RAPGEF6: variants seen among roughly 807,000 people sequenced by gnomAD.
The protein encoded by RAPGEF6 is PDZ domain containing guanine nucleotide exchange factor (GEF) 2.
RAPGEF6 carries 56 observed loss-of-function variants against 171.4 expected under a neutral mutation model. That is an observed-to-expected ratio of 0.33 (90% CI 0.26 to 0.41). The LOEUF (loss-of-function observed/expected upper bound fraction) is 0.41. Among genes scored for constraint, RAPGEF6 ranks in the 10% least tolerant of loss-of-function variants. The pLI, the probability that RAPGEF6 is intolerant of heterozygous loss-of-function variation, is 1.00. For synonymous variants in RAPGEF6, 692 were observed against 650.1 expected, an observed-to-expected ratio of 1.06 and a Z score of -0.98; for missense variants, 1,674 against 1,921.4, an observed-to-expected ratio of 0.87 and a Z score of 2.41.
At chr5:131,495,487 C>G (rs1756580465) in intron 13 of RAPGEF6, 66 bp downstream of exon 13, 1 of 1,202,216 alleles carries the variant, frequency 8.3e-7, no homozygotes, top group Admixed American at 1.9e-5. Context: ...TATTGCTGTT[C>G]TGAGTTTGCT....
At chr5:131,443,695 C>G (rs1440985698) in intron 22 of RAPGEF6, among the ~76,000 whole-genome samples, 1 of 152,178 alleles carries the variant, frequency 6.6e-6, no homozygotes, top group Non-Finnish European at 1.5e-5. Context: ...CTTACCTTTC[C>G]TCTCACCAGT....
chr5:131,576,589 C>G (rs1372217283), intron 4 of RAPGEF6, among the ~76,000 whole-genome samples: 1 of 152,172 alleles, frequency 6.6e-6, no homozygotes, highest in Non-Finnish European at 1.5e-5. Context: ...CACCAGATCC[C>G]ACTGCTTGAG....
intron 18 of RAPGEF6, among the ~76,000 whole-genome samples, chr5:131,463,338 GGAGGCTGAGGCAGGCAGATCACTT>G (rs1032429972): frequency 1.3e-5 from 2 of 152,118 alleles, no homozygotes; most frequent in Non-Finnish European, 2.9e-5. Context: ...CAGCACTTTG[GGAGGCTGAGGCAGGCAGATCACTT>G]GAGGTAAGGA....
At chr5:131,486,484 T>G (rs961362067) in intron 15 of RAPGEF6, among the ~76,000 whole-genome samples, 33 of 152,212 alleles carry the variant, frequency 2.2e-4, no homozygotes, top group Admixed American at 2.2e-3. Context: ...AGTCACATCC[T>G]TCTTTTACTC....
chr5:131,598,858 T>C (rs182946165), intron 3 of RAPGEF6, among the ~76,000 whole-genome samples: 1 of 152,344 alleles, frequency 6.6e-6, no homozygotes, highest in East Asian at 1.9e-4. Context: ...TCCCAAAGGC[T>C]TTCTTGTGTA....
At chr5:131,465,336 T>C (rs186767193) in intron 17 of RAPGEF6, among the ~76,000 whole-genome samples, 1 of 152,262 alleles carries the variant, frequency 6.6e-6, no homozygotes, top group Non-Finnish European at 1.5e-5. Context: ...TTATTTCTTT[T>C]TGTCATTATA....
chr5:131,531,119 G>A (rs1274022849), intron 6 of RAPGEF6, among the ~76,000 whole-genome samples: 2 of 152,146 alleles, frequency 1.3e-5, no homozygotes, highest in African/African-American at 4.8e-5. Context: ...CATGCAGTGA[G>A]CTAGGCCAGA....
intron 6 of RAPGEF6, among the ~76,000 whole-genome samples, chr5:131,526,425 G>T (rs569361142): frequency 2.0e-4 from 31 of 152,216 alleles, no homozygotes; most frequent in African/African-American, 4.6e-4. Flanking sequence ...GGTTTCCCAG[G>T]GTCACATGGC....
chr5:131,505,255 T>C (rs1757301936), intron 10 of RAPGEF6, 109 bp downstream of exon 10: 4 of 1,104,694 alleles, frequency 3.6e-6, no homozygotes, highest in Non-Finnish European at 5.3e-6. Context: ...CTGTGAGCTA[T>C]TGAAACTCCT....
intron 22 of RAPGEF6, among the ~76,000 whole-genome samples, chr5:131,443,749 G>C (rs1321095701): frequency 6.6e-6 from 1 of 152,104 alleles, no homozygotes; most frequent in Non-Finnish European, 1.5e-5. Context: ...CCTTTCATTA[G>C]GCTTTAACCT....
intron 1 of RAPGEF6, among the ~76,000 whole-genome samples, chr5:131,620,921 A>C (rs1446082609): frequency 1.3e-5 from 2 of 152,182 alleles, no homozygotes; most frequent in Non-Finnish European, 2.9e-5. Flanking sequence ...ATACTGCCAA[A>C]GCGATCTTTC....
intron 16 of RAPGEF6, 99 bp downstream of exon 16, chr5:131,479,414 T>C: frequency 1.5e-6 from 2 of 1,294,946 alleles, no homozygotes; most frequent in Non-Finnish European, 2.2e-6. Flanking sequence ...ACATTAGTTA[T>C]ATAACAAAGC....
intron 4 of RAPGEF6, among the ~76,000 whole-genome samples, chr5:131,566,115 C>G (rs1761914391): frequency 6.6e-6 from 1 of 151,392 alleles, no homozygotes; most frequent in African/African-American, 2.4e-5. Flanking sequence ...CCACTGCACT[C>G]CAGCCTGGGT....
At position 131,496,224 on chromosome 5, in the gene RAPGEF6, C is replaced by T. The variant is rs146327508; in HGVS notation, c.1420-564G>A. 3.2e-3 allele frequency among the ~76,000 whole-genome samples: 488 copies of T among 152,238 alleles called. 3 individuals carry two copies. Among genetic ancestry groups the T allele is most frequent in the African/African-American group, 0.011 (464 of 41,550 alleles). ...ACCCTTACAAATCTGAAACTTCTTT[C>T]ATTATAAACACTGTAAATTTTCAAA... On this transcript the variant is annotated intron_variant, in intron 12 of 27. Transcript: ENST00000509018.
chr5:131,439,460 A>G, intron 24 of RAPGEF6, 121 bp downstream of exon 24: 1 of 1,415,230 alleles, frequency 7.1e-7, no homozygotes, highest in East Asian at 2.5e-5. Flanking sequence ...AAGTTCAAAA[A>G]GCATTAGGAG....
At chr5:131,440,490 C>A (rs1046227749) in intron 23 of RAPGEF6, among the ~76,000 whole-genome samples, 2 of 152,002 alleles carry the variant, frequency 1.3e-5, no homozygotes, top group Non-Finnish European at 2.9e-5. Context: ...GTAATCCCAG[C>A]ACTTTGGGAG....
chr5:131,620,922 G>A (rs565829115), intron 1 of RAPGEF6, among the ~76,000 whole-genome samples: 30 of 152,112 alleles, frequency 2.0e-4, no homozygotes, highest in Non-Finnish European at 3.5e-4. Context: ...TACTGCCAAA[G>A]CGATCTTTCT....
intron 6 of RAPGEF6, among the ~76,000 whole-genome samples, chr5:131,539,870 G>A (rs1580993836): frequency 6.6e-6 from 1 of 152,162 alleles, no homozygotes; most frequent in Non-Finnish European, 1.5e-5. Flanking sequence ...TAATGTGTGA[G>A]CCTAAAATGA....
rs781523822 is a variant in RAPGEF6, at chr5:131,461,913, C to T, written c.2656G>A (p.Asp886Asn). The T allele has an allele frequency of 1.2e-6, 2 of 1,613,968 alleles. No homozygotes were observed. Among genetic ancestry groups the T allele is most frequent in the Non-Finnish European group, 1.7e-6 (2 of 1,179,992 alleles). Residue 886 changes from aspartate (D) to asparagine (N), a missense_variant, in exon 19 of 28, where the codon GAT (aspartate) becomes AAT (asparagine). Asp to Asn is a conservative substitution (Grantham distance 23). This residue lies in a region of RAPGEF6 where 1,116 missense variants were observed against 1,321.5 expected (regional missense o/e 0.84). Transcript: ENST00000509018. ...TTGGAATTTAACTTAAAAAGGTCAT[C>T]GATGTACTCAGTCGGTTCAATATTA... ...FRNIEPTEYIDDLFKLNSKTG... is the reference protein window; with the variant it reads ...FRNIEPTEYINDLFKLNSKTG...
Sources: allele counts gnomAD v4.1 joint callset (sites outside exome capture counted in the v4.1 genomes callset), GRCh38; gene constraint gnomAD v4.1.1; regional missense constraint gnomAD v4.1.1; transcripts MANE v1.5; gene names NCBI Gene and HGNC (gene_info 2026-07-23, HGNC 2026-07-21).